XKR6: variants seen among roughly 807,000 people sequenced by gnomAD.
The protein encoded by XKR6 is XK related 6.
XKR6 carries 22 observed loss-of-function variants against 56.7 expected under a neutral mutation model. The observed-to-expected ratio is 0.39, with a 90% CI of 0.28 to 0.55. The LOEUF is 0.55. Ranked by LOEUF, XKR6 falls within the 20% of genes least tolerant of loss-of-function variation. The pLI is 0.66. For synonymous variants in XKR6, 524 were observed against 387.8 expected (o/e 1.35, Z -4.13); for missense variants, 852 against 889.0 (o/e 0.96, Z 0.53).
chr8:10,947,806 C>T (rs1801595442), intron 1 of XKR6, among the ~76,000 whole-genome samples: 2 of 152,216 alleles, frequency 1.3e-5, no homozygotes, highest in Admixed American at 1.3e-4. Flanking sequence ...GGGCTTTGCT[C>T]AGTTCTTCCC....
At chr8:10,985,319 C>A (rs916963780) in intron 1 of XKR6, among the ~76,000 whole-genome samples, 3 of 152,030 alleles carry the variant, frequency 2.0e-5, no homozygotes, top group Non-Finnish European at 2.9e-5. Context: ...AAGGAGAGTT[C>A]TCCTGCACCC....
At chr8:11,181,575 C>G (rs1281867307) in intron 1 of XKR6, among the ~76,000 whole-genome samples, 1 of 152,084 alleles carries the variant, frequency 6.6e-6, no homozygotes, top group Non-Finnish European at 1.5e-5. Context: ...ATTTTGAACA[C>G]ATAAGCAAGG....
At chr8:11,178,922 A>G (rs1168334396) in intron 1 of XKR6, among the ~76,000 whole-genome samples, 1 of 151,622 alleles carries the variant, frequency 6.6e-6, no homozygotes, top group African/African-American at 2.4e-5. Flanking sequence ...AGCTCACTGC[A>G]GCCTCGGTCT....
At chr8:11,183,463 C>T (rs552896009) in intron 1 of XKR6, among the ~76,000 whole-genome samples, 3 of 151,938 alleles carry the variant, frequency 2.0e-5, no homozygotes, top group Admixed American at 2.0e-4. Context: ...AGGCATGCGC[C>T]ACCACACCTG....
At chr8:11,183,262 T>C in intron 1 of XKR6, among the ~76,000 whole-genome samples, 1 of 152,206 alleles carries the variant, frequency 6.6e-6, no homozygotes, top group East Asian at 1.9e-4. Flanking sequence ...ATTCCATGTT[T>C]ACTTTTTTGA....
chr8:10,945,975 C>T (rs1332028221), intron 1 of XKR6, among the ~76,000 whole-genome samples: 1 of 152,072 alleles, frequency 6.6e-6, no homozygotes, highest in African/African-American at 2.4e-5. Context: ...TCCTCTCTAG[C>T]CCCCACGCAG....
intron 1 of XKR6, among the ~76,000 whole-genome samples, chr8:11,049,528 A>G (rs562439943): frequency 4.8e-4 from 73 of 152,098 alleles, no homozygotes; most frequent in Non-Finnish European, 8.7e-4. Context: ...TGAAGACCCT[A>G]CTGACACCAC....
Position 10,960,235 on chromosome 8 carries a change from G to C in XKR6, c.765-35405C>G, listed in dbSNP as rs114073029. ...GGTGCAGGTATAGCAGGTGGGTACA[G>C]GTATAGCAGGTAGGTGCAGGTATAG... On this transcript the variant is annotated intron_variant, in intron 1 of 2. Coordinates refer to ENST00000416569, the MANE Select transcript of XKR6 (RefSeq NM_173683.4). 4.2e-3 allele frequency among the ~76,000 whole-genome samples: 641 copies of C among 151,634 alleles called. 4 individuals are homozygous for C. The highest frequency in any genetic ancestry group is 0.015 in the African/African-American group (610 of 41,468).
At position 10,939,633 on chromosome 8, in the gene XKR6, C is replaced by T. The variant is rs144058650; in HGVS notation, c.765-14803G>A. On this transcript the variant is annotated intron_variant, in intron 1 of 2. Transcript: ENST00000416569. ...GTATCCCACCTGGGAGTGGTGGTCA[C>T]GCAGAAGGGGCCTAAGACTCCAGGC... is the stretch of plus-strand genomic sequence containing the variant. Among the ~76,000 whole-genome samples, 57 of 152,336 alleles carry T rather than the reference C, an allele frequency of 3.7e-4. 1 individual carries two copies. The East Asian group carries it at 8.5e-3, about 23-fold the overall frequency.
intron 1 of XKR6, among the ~76,000 whole-genome samples, chr8:11,052,463 C>G (rs6601553): frequency 0.79 from 120,008 of 152,166 alleles, 47,603 homozygotes; most frequent in African/African-American, 0.87. Context: ...TGGAATCTCC[C>G]GGACCGACAC....
chr8:11,015,509 G>A (rs1355220033), intron 1 of XKR6, among the ~76,000 whole-genome samples: 2 of 152,174 alleles, frequency 1.3e-5, no homozygotes, highest in Non-Finnish European at 2.9e-5. Flanking sequence ...GGACTCTGAA[G>A]AGAGTTAGGG....
chr8:11,140,292 C>T lies in XKR6; in HGVS notation c.764+60284G>A, dbSNP rs1410604840. 2.6e-5 allele frequency among the ~76,000 whole-genome samples: 4 copies of T among 152,028 alleles called. No individual in the cohort carries two copies. The East Asian group carries it at 5.8e-4, about 22-fold the overall frequency. On this transcript the variant is annotated intron_variant, in intron 1 of 2. Coordinates refer to ENST00000416569, the MANE Select transcript of XKR6 (RefSeq NM_173683.4). ...AGACTACAATCCAAGAAACGTTTTCCGAATGAAAAACGATCTGAAGCTATA... is the reference window on the plus strand; with the variant it reads ...AGACTACAATCCAAGAAACGTTTTCTGAATGAAAAACGATCTGAAGCTATA...
chr8:10,906,158 C>T (rs1370936281), intron 2 of XKR6, among the ~76,000 whole-genome samples: 1 of 152,202 alleles, frequency 6.6e-6, no homozygotes, highest in Non-Finnish European at 1.5e-5. Context: ...AAACTGTAGG[C>T]TGCCTGATGT....
chr8:11,160,599 T>A (rs920621171), intron 1 of XKR6, among the ~76,000 whole-genome samples: 11 of 152,058 alleles, frequency 7.2e-5, no homozygotes, highest in African/African-American at 2.7e-4. Flanking sequence ...AATCTACCAA[T>A]GTAATGATGC....
chr8:11,090,342 C>T (rs1264157897), intron 1 of XKR6, among the ~76,000 whole-genome samples: 3 of 152,150 alleles, frequency 2.0e-5, no homozygotes, highest in African/African-American at 7.2e-5. Flanking sequence ...CCCCTCTCAG[C>T]CTCCCAAAGT....
chr8:11,144,324 G>C (rs1050880409), intron 1 of XKR6, among the ~76,000 whole-genome samples: 1 of 149,658 alleles, frequency 6.7e-6, no homozygotes, highest in African/African-American at 2.5e-5. Context: ...GGAAGAAGCG[G>C]GTATAACCCC....
At chr8:11,023,129 A>C (rs769666273) in intron 1 of XKR6, among the ~76,000 whole-genome samples, 1 of 152,166 alleles carries the variant, frequency 6.6e-6, no homozygotes, top group Non-Finnish European at 1.5e-5. Context: ...TCAATCACTG[A>C]GTCAGCTGGC....
intron 1 of XKR6, among the ~76,000 whole-genome samples, chr8:11,199,647 GTTCAT>G (rs1380833854): frequency 6.6e-6 from 1 of 152,188 alleles, no homozygotes; most frequent in Middle Eastern, 3.2e-3. Context: ...GTGTGAATGG[GTTCAT>G]TTCCTCAGTT....
intron 1 of XKR6, among the ~76,000 whole-genome samples, chr8:10,948,839 A>T (rs1023934862): frequency 1.1e-4 from 17 of 152,204 alleles, no homozygotes; most frequent in African/African-American, 4.1e-4. Flanking sequence ...CCTCCCTGGG[A>T]AACAGGCTCA....
Sources: gnomAD v4.1 joint callset for allele counts (sites outside exome capture counted in the v4.1 genomes callset) on GRCh38, gnomAD v4.1.1 for gene constraint, MANE v1.5 for transcripts, NCBI Gene and HGNC (gene_info 2026-07-23, HGNC 2026-07-21) for gene names.